The following CUX2 variants were observed in gnomAD, a reference collection of about 807,000 sequenced individuals.
CUX2 encodes the protein homeobox protein cut-like 2.
A neutral mutation model predicts 144.8 loss-of-function variants in CUX2; 40 were observed. The ratio of observed to expected loss-of-function variants is 0.28; its 90% CI spans 0.21 to 0.36. The LOEUF (loss-of-function observed/expected upper bound fraction) is 0.36. CUX2 is among the 10% of genes least tolerant of loss of function. CUX2 has a pLI of 1.00. For missense variants in CUX2, 1,615 were observed against 1,994.0 expected (o/e 0.81, Z 3.62); for synonymous variants, 827 against 875.6 (o/e 0.94, Z 0.98).
intron 1 of CUX2, among the ~76,000 whole-genome samples, chr12:111,084,922 C>T (rs1260617387): frequency 2.0e-5 from 3 of 152,130 alleles, no homozygotes; most frequent in Non-Finnish European, 2.9e-5. Context: ...CATTCTTCCT[C>T]TTCTCACCAC....
At chr12:111,085,877 C>G (rs939279749) in intron 1 of CUX2, among the ~76,000 whole-genome samples, 3 of 152,230 alleles carry the variant, frequency 2.0e-5, no homozygotes, top group African/African-American at 7.2e-5. Flanking sequence ...TTACACAGGG[C>G]AGATGCTTGA....
In CUX2 at chr12:111,172,616, C is replaced by T. The variant is rs552607179; in HGVS notation, c.64-41584C>T. Among the ~76,000 whole-genome samples, 269 of 152,340 alleles carry T rather than the reference C, an allele frequency of 1.8e-3. 1 individual carries two copies. The highest frequency in any genetic ancestry group is 5.8e-3 in the African/African-American group (240 of 41,566). ...CAGCGCTTTCCACTCTGTGCAGTTC[C>T]TGCAGCTGGGTGGAGGCTCCGAACC... On this transcript the variant is annotated intron_variant, in intron 1 of 21. Transcript: ENST00000261726.
chr12:111,117,563 A>G (rs1274254876), intron 1 of CUX2, among the ~76,000 whole-genome samples: 1 of 152,198 alleles, frequency 6.6e-6, no homozygotes, highest in Non-Finnish European at 1.5e-5. Context: ...ATATTTGACA[A>G]AACAGCATGA....
intron 4 of CUX2, among the ~76,000 whole-genome samples, chr12:111,267,419 C>T (rs561762960): frequency 1.3e-5 from 2 of 152,252 alleles, no homozygotes; most frequent in South Asian, 4.1e-4. Context: ...GTCCAAGCAA[C>T]TCGCTTCTCT....
chr12:111,335,167 G>T (rs193083125), intron 19 of CUX2, among the ~76,000 whole-genome samples: 565 of 152,204 alleles, frequency 3.7e-3, no homozygotes, highest in Admixed American at 5.8e-3. Flanking sequence ...CAGGCAGGTG[G>T]ATCATCTGAG....
intron 1 of CUX2, among the ~76,000 whole-genome samples, chr12:111,144,785 T>A (rs36104376): frequency 6.6e-6 from 1 of 152,064 alleles, no homozygotes; most frequent in African/African-American, 2.4e-5. Flanking sequence ...GAGGGTGAAA[T>A]TGGGGGCCGG....
At position 111,077,877 on chromosome 12, in the gene CUX2, G is replaced by GT. The variant is rs913234315; in HGVS notation, c.63+43638dup. Reference sequence around the variant, plus strand: ...GAACAGCAGCTAAAGGTTTGATTTAGTCTTCTGTGGTTATTGATGGGAAAA... The same window carrying GT: ...GAACAGCAGCTAAAGGTTTGATTTAGTTCTTCTGTGGTTATTGATGGGAAAA... On this transcript the variant is annotated intron_variant, in intron 1 of 21. Coordinates refer to ENST00000261726, the MANE Select transcript of CUX2 (RefSeq NM_015267.4). This position sits in a 1 kb window ranked among gnomAD's most constrained non-coding sequence, Gnocchi z 4.1. 6.6e-6 allele frequency among the ~76,000 whole-genome samples: 1 copy of GT among 152,210 alleles called. No individual in the cohort carries two copies. The highest frequency in any genetic ancestry group is 2.4e-5 in the African/African-American group (1 of 41,454).
At chr12:111,300,488 T>C (rs2136349923) in intron 9 of CUX2, among the ~76,000 whole-genome samples, 1 of 152,328 alleles carries the variant, frequency 6.6e-6, no homozygotes, top group Non-Finnish European at 1.5e-5. Context: ...TCCCCGTCTA[T>C]ATCTTTGAGC....
intron 9 of CUX2, among the ~76,000 whole-genome samples, chr12:111,303,695 C>T (rs528852448): frequency 3.3e-5 from 5 of 152,148 alleles, no homozygotes; most frequent in Non-Finnish European, 1.5e-5. Flanking sequence ...GTGACTTGCC[C>T]AGGGGCTGCA....
intron 1 of CUX2, among the ~76,000 whole-genome samples, chr12:111,129,215 A>G (rs1476366983): frequency 2.0e-5 from 3 of 152,266 alleles, no homozygotes; most frequent in African/African-American, 7.2e-5. Context: ...GTCTAGGATC[A>G]TTGGGATTTC....
chr12:111,193,273 C>T (rs1179605354), intron 1 of CUX2, among the ~76,000 whole-genome samples: 1 of 152,240 alleles, frequency 6.6e-6, no homozygotes, highest in Non-Finnish European at 1.5e-5. Flanking sequence ...TCCAAATACC[C>T]TCTGACCTGG....
Position 111,348,547 on chromosome 12 carries a change from T to C in CUX2, c.*222T>C. The C allele has an allele frequency of 1.8e-6, 1 of 545,594 alleles. No individual in the cohort carries two copies. Among genetic ancestry groups the C allele is most frequent in the Non-Finnish European group, 3.2e-6 (1 of 310,780 alleles). 33.8% of individuals were successfully genotyped at this position (545,594 alleles called of 1,614,324 possible). A position where few individuals can be genotyped will look rare whatever the true frequency, so the allele number is the denominator to read the frequency against. On this transcript the variant is annotated 3_prime_UTR_variant, in exon 22 of 22. Transcript: ENST00000261726. ...CCACTTTTCTGCACCCCCCTGCTCC[T>C]CTTCACCCTGACCCCTCTGCAGGAG...
intron 3 of CUX2, among the ~76,000 whole-genome samples, chr12:111,245,993 G>T (rs911018383): frequency 6.6e-6 from 1 of 152,148 alleles, no homozygotes; most frequent in South Asian, 2.1e-4. Flanking sequence ...CCTGTACCCC[G>T]CTCAGGCAGA....
rs772146055 is a variant in CUX2, at chr12:111,289,688, T to C, written c.302-1730T>C. Among the ~76,000 whole-genome samples, 11 of 151,740 alleles carry C rather than the reference T, an allele frequency of 7.2e-5. No individual in the cohort carries two copies. The highest frequency in any genetic ancestry group is 1.2e-4 in the Non-Finnish European group (8 of 67,894). On this transcript the variant is annotated intron_variant, in intron 4 of 21. Transcript: ENST00000261726. This position sits in a 1 kb window ranked among gnomAD's most constrained non-coding sequence, Gnocchi z 4.1. ...CTGCACGTTCCTCACCTTTGAGTGA[T>C]TGGGGAATTGGTGGACATCTTACAT...
intron 21 of CUX2, 50 bp downstream of exon 21, chr12:111,342,103 A>G: frequency 6.4e-7 from 1 of 1,558,556 alleles, no homozygotes; most frequent in Non-Finnish European, 8.7e-7. Flanking sequence ...TCCAGGTGGG[A>G]CCCCTTCCCC....
chr12:111,132,396 G>T (rs1165755745), intron 1 of CUX2, among the ~76,000 whole-genome samples: 1 of 152,060 alleles, frequency 6.6e-6, no homozygotes, highest in Non-Finnish European at 1.5e-5. Flanking sequence ...CTCTGACATG[G>T]CCTGAAGACA....
At chr12:111,319,344 A>C (rs1296936998) in intron 16 of CUX2, among the ~76,000 whole-genome samples, 2 of 152,024 alleles carry the variant, frequency 1.3e-5, no homozygotes, top group Non-Finnish European at 2.9e-5. Context: ...ATTTTTAAAG[A>C]ATTTTTTTTT....
chr12:111,100,047 G>A (rs562887558), intron 1 of CUX2: 143 of 456,788 alleles, frequency 3.1e-4, no homozygotes, highest in South Asian at 7.4e-4. Flanking sequence ...ACGGGCCCTC[G>A]GAGCGGGGCT....
chr12:111,302,005 C>T (rs1198899572), intron 9 of CUX2, among the ~76,000 whole-genome samples: 1 of 152,188 alleles, frequency 6.6e-6, no homozygotes, highest in African/African-American at 2.4e-5. Flanking sequence ...CCTAACTGTA[C>T]AGAAACATAA....
Sources: gnomAD v4.1 joint callset for allele counts (sites outside exome capture counted in the v4.1 genomes callset) on GRCh38, gnomAD v4.1.1 for gene constraint, Gnocchi (gnomAD v3.1) non-coding constraint, MANE v1.5 for transcripts, NCBI Gene and HGNC (gene_info 2026-07-23, HGNC 2026-07-21) for gene names.